Variants in ACAD10 observed in about 807,000 individuals in gnomAD.
The protein encoded by ACAD10 is acyl-CoA dehydrogenase family member 10, also known as ACAD-10.
ACAD10 carries 112 observed loss-of-function variants against 116.8 expected under a neutral mutation model. The observed-to-expected ratio is 0.96, with a 90% CI of 0.82 to 1.12. The LOEUF (loss-of-function observed/expected upper bound fraction) is 1.12. ACAD10 is among the 50% of genes most tolerant of loss of function. The pLI, the probability that ACAD10 is intolerant of heterozygous loss-of-function variation, is 0.00. For missense variants in ACAD10, 1,259 were observed against 1,350.2 expected (o/e 0.93, Z 1.06); for synonymous variants, 486 against 510.6 (o/e 0.95, Z 0.65).
intron 7 of ACAD10, among the ~76,000 whole-genome samples, chr12:111,718,862 T>C (rs1478582984): frequency 6.6e-6 from 1 of 151,144 alleles, no homozygotes; most frequent in African/African-American, 2.4e-5. Flanking sequence ...CCCAGCACTT[T>C]GGGAGGCCGA....
intron 18 of ACAD10, among the ~76,000 whole-genome samples, chr12:111,750,626 G>C (rs1043695908): frequency 3.3e-5 from 5 of 152,130 alleles, no homozygotes; most frequent in Non-Finnish European, 7.4e-5. Flanking sequence ...ACACCAGGGA[G>C]ATCCCATGTT....
chr12:111,711,522 AT>A (rs1176078999), intron 5 of ACAD10, among the ~76,000 whole-genome samples: 1,888 of 107,274 alleles, frequency 0.018, 27 homozygotes, highest in African/African-American at 0.054. Context: ...CTGTGCTAAA[AT>A]TTTTTTTTTT....
chr12:111,748,016 G>A (rs1466633264), intron 16 of ACAD10, among the ~76,000 whole-genome samples: 1 of 152,124 alleles, frequency 6.6e-6, no homozygotes, highest in Non-Finnish European at 1.5e-5. Flanking sequence ...TGTGGGAGCC[G>A]AGCCAGCTGG....
intron 5 of ACAD10, among the ~76,000 whole-genome samples, chr12:111,711,315 C>T (rs944197180): frequency 5.3e-5 from 8 of 152,074 alleles, no homozygotes; most frequent in Admixed American, 6.6e-5. Flanking sequence ...ATTCTCCTGC[C>T]TCAGCCTCCC....
chr12:111,745,835 CTTTT>C (rs532150491), intron 13 of ACAD10, among the ~76,000 whole-genome samples: 3 of 104,762 alleles, frequency 2.9e-5, no homozygotes, highest in African/African-American at 7.4e-5. Flanking sequence ...CCATCTCTCT[CTTTT>C]TTTTTTTTTT....
At chr12:111,703,734 A>G (rs1421639757) in intron 3 of ACAD10, among the ~76,000 whole-genome samples, 3 of 152,052 alleles carry the variant, frequency 2.0e-5, no homozygotes, top group African/African-American at 7.2e-5. Context: ...GCTACTTGGG[A>G]GGCTGAGGCA....
rs201216722 is a variant in ACAD10 at position 111,703,100 on chromosome 12, AAATT to A, written c.336+791_336+794del. ...CTCTGTCTCAAAAAAAAAAAAAAAA[AAATT>A]CTTTACTAAGTTCCTCCAGCATATA... On this transcript the variant is annotated intron_variant, in intron 3 of 20. Coordinates refer to ENST00000313698, the MANE Select transcript of ACAD10 (RefSeq NM_025247.6). 3.3e-5 allele frequency among the ~76,000 whole-genome samples: 5 copies of A among 149,470 alleles called. No individual in the cohort carries two copies. In the East Asian group the frequency reaches 9.6e-4, roughly 29 times the overall value.
At chr12:111,716,603 C>A (rs1050020186) in intron 7 of ACAD10, among the ~76,000 whole-genome samples, 1 of 152,162 alleles carries the variant, frequency 6.6e-6, no homozygotes, top group South Asian at 2.1e-4. Context: ...TACCATAGTC[C>A]CAGCACTTTG....
rs1374224849 is a variant in ACAD10 at position 111,709,552 on chromosome 12, C to T, written c.558C>T (p.Ile186=). ...DVIVESCMEG[I]CKPDPRIYKL... The stretch of plus-strand genomic sequence containing the variant: ...TTGTGGAGTCCTGCATGGAAGGGAT[C>T]TGTAAGCCAGACCCTAGGATCTACA... The change falls in exon 5 of 21, where the codon ATC becomes ATT. Residue 186 remains isoleucine, a synonymous_variant. Transcript: ENST00000313698. 6.2e-7 allele frequency: 1 copy of T among 1,608,782 alleles called. No homozygotes were observed. The highest frequency in any genetic ancestry group is 2.2e-5 in the East Asian group (1 of 44,718).
intron 10 of ACAD10, among the ~76,000 whole-genome samples, chr12:111,732,961 T>A (rs1466741861): frequency 6.6e-6 from 1 of 152,184 alleles, no homozygotes; most frequent in Non-Finnish European, 1.5e-5. Context: ...TGGGGCTGGA[T>A]CTTCTGAAGA....
chr12:111,722,783 T>C (rs1380393044), intron 8 of ACAD10, among the ~76,000 whole-genome samples: 1 of 152,202 alleles, frequency 6.6e-6, no homozygotes, highest in African/African-American at 2.4e-5. Context: ...CCATGTCTAC[T>C]TCTTTCTACA....
At chr12:111,742,744 T>C (rs1395974597) in intron 12 of ACAD10, among the ~76,000 whole-genome samples, 2 of 152,134 alleles carry the variant, frequency 1.3e-5, no homozygotes, top group African/African-American at 4.8e-5. Context: ...AATTTTGCTC[T>C]TGTCACCCAG....
chr12:111,722,960 G>A (rs1889064085), intron 8 of ACAD10, among the ~76,000 whole-genome samples: 1 of 151,406 alleles, frequency 6.6e-6, no homozygotes. Flanking sequence ...CAGTAGGGGT[G>A]GCCGGGCAGA....
intron 12 of ACAD10, among the ~76,000 whole-genome samples, chr12:111,740,740 T>C (rs114572920): frequency 0.016 from 2,118 of 133,884 alleles, 64 homozygotes; most frequent in African/African-American, 0.058. Flanking sequence ...CGAGATTGCT[T>C]CACTGTTCAC....
At chr12:111,715,794 G>C in intron 6 of ACAD10, 27 bp from the exon 7 acceptor site, 2 of 1,614,088 alleles carry the variant, frequency 1.2e-6, no homozygotes, top group Non-Finnish European at 1.7e-6. Context: ...GGGCTGGTTT[G>C]AGTTTTCTTT....
At chr12:111,705,987 G>A (rs1047048791) in intron 4 of ACAD10, 55 bp downstream of exon 4, 2 of 1,572,054 alleles carry the variant, frequency 1.3e-6, no homozygotes, top group South Asian at 2.3e-5. Context: ...CTCGCTTCAG[G>A]GTGCAATGTT....
chr12:111,744,506 C>T, intron 12 of ACAD10, 137 bp from the exon 13 acceptor site: 1 of 1,053,722 alleles, frequency 9.5e-7, no homozygotes, highest in Non-Finnish European at 1.4e-6. Flanking sequence ...GCTATAGTGG[C>T]TCTTAGCACA....
In ACAD10 at chr12:111,702,151, G is replaced by C. The variant is rs1052948726; in HGVS notation, c.188-11G>C. ...AATGTATTCCACTTTTGCATATTTT[G>C]CTTCCTATAGAATGGGAGGTACAGA... On this transcript the variant is annotated splice_polypyrimidine_tract_variant and intron_variant, in intron 2 of 20. Coordinates refer to ENST00000313698, the MANE Select transcript of ACAD10 (RefSeq NM_025247.6). 1 of 1,607,942 alleles carries C rather than the reference G, an allele frequency of 6.2e-7. No individual in the cohort carries two copies. The highest frequency in any genetic ancestry group is 1.3e-5 in the African/African-American group (1 of 74,614).
intron 6 of ACAD10, among the ~76,000 whole-genome samples, chr12:111,713,077 C>G (rs1888737209): frequency 6.6e-6 from 1 of 152,200 alleles, no homozygotes; most frequent in Non-Finnish European, 1.5e-5. Flanking sequence ...CTTTAGGAGG[C>G]CAAGGCAGGT....
Sources: gnomAD v4.1 joint callset for allele counts (sites outside exome capture counted in the v4.1 genomes callset) on GRCh38, gnomAD v4.1.1 for gene constraint, MANE v1.5 for transcripts, NCBI Gene and HGNC (gene_info 2026-07-23, HGNC 2026-07-21) for gene names.